RHOBTB3: variants seen among roughly 807,000 people sequenced by gnomAD.
RHOBTB3 encodes the protein rho-related BTB domain-containing protein 3.
RHOBTB3 carries 47 observed loss-of-function variants against 67.2 expected under a neutral mutation model. The ratio of observed to expected loss-of-function variants is 0.70; its 90% confidence interval spans 0.55 to 0.89. The LOEUF is 0.89. Ranked by LOEUF, RHOBTB3 falls within the 40% of genes least tolerant of loss-of-function variation. The probability of loss-of-function intolerance (pLI) is 0.00; values close to 1 mark genes in which losing one functional copy is unlikely to be tolerated. For synonymous variants in RHOBTB3, 273 were observed against 274.2 expected, an observed-to-expected ratio of 1.00 and a Z score of 0.04; for missense variants, 631 against 750.0, an observed-to-expected ratio of 0.84 and a Z score of 1.85.
At chr5:95,720,024 G>A (rs1435787396) in intron 1 of RHOBTB3, among the ~76,000 whole-genome samples, 2 of 152,188 alleles carry the variant, frequency 1.3e-5, no homozygotes, top group Non-Finnish European at 2.9e-5. Flanking sequence ...GACAGTGTTT[G>A]CTACCTATTA....
chr5:95,762,963 TGACATGAGCTACG>T (rs1745435405), intron 6 of RHOBTB3, among the ~76,000 whole-genome samples: 1 of 152,168 alleles, frequency 6.6e-6, no homozygotes, highest in African/African-American at 2.4e-5. Context: ...TTTGCTCCGA[TGACATGAGCTACG>T]TGGACGAGTA....
At chr5:95,727,169 C>T (rs150743932), upstream of RHOBTB3, among the ~76,000 whole-genome samples, 25 of 152,266 alleles carry the variant, frequency 1.6e-4, no homozygotes, top group African/African-American at 5.5e-4. Context: ...AGCAATAAGA[C>T]TGCTCTGATT....
chr5:95,780,984 G>A (rs1214385867), intron 9 of RHOBTB3, among the ~76,000 whole-genome samples: 2 of 152,168 alleles, frequency 1.3e-5, no homozygotes, highest in African/African-American at 2.4e-5. Flanking sequence ...TTCTTGAGAT[G>A]TTTAGAATAC....
rs374509846 is a variant in RHOBTB3, at chr5:95,785,553, C to G, written c.1623+1590C>G. On this transcript the variant is annotated intron_variant, in intron 10 of 11. Transcript: ENST00000379982. ...AGCTTGCAGTGAGCCGAGATCGTGC[C>G]ACTGCACTCCAGCCTGGGTGACAGA... Among the ~76,000 whole-genome samples, 14 of 150,788 alleles carry G rather than the reference C, an allele frequency of 9.3e-5. No individual in the cohort carries two copies. In the East Asian group the frequency reaches 2.1e-3, roughly 23 times the overall value.
At chr5:95,792,803 AAAAAG>A (rs974371037) in intron 11 of RHOBTB3, among the ~76,000 whole-genome samples, 1 of 152,054 alleles carries the variant, frequency 6.6e-6, no homozygotes, top group African/African-American at 2.4e-5. Flanking sequence ...AAAAAAAAAA[AAAAAG>A]AAAAGGAAAA....
chr5:95,755,114 T>C (rs1044169972), intron 5 of RHOBTB3, among the ~76,000 whole-genome samples: 22 of 152,230 alleles, frequency 1.4e-4, no homozygotes, highest in Non-Finnish European at 5.9e-5. Context: ...GGGTTTTTCA[T>C]TTGCTCTATA....
chr5:95,750,206 T>TAATCTTAATC (rs1351081846), intron 4 of RHOBTB3, among the ~76,000 whole-genome samples: 1 of 152,046 alleles, frequency 6.6e-6, no homozygotes, highest in Non-Finnish European at 1.5e-5. Context: ...AGGGTCAGAG[T>TAATCTTAATC]TGAAGAGCTG....
At chr5:95,790,766 A>G (rs1746359105) in intron 11 of RHOBTB3, among the ~76,000 whole-genome samples, 1 of 152,232 alleles carries the variant, frequency 6.6e-6, no homozygotes, top group Admixed American at 6.5e-5. Flanking sequence ...TGGATAAGGG[A>G]GAATTTAATT....
At chr5:95,734,179 C>A (rs1755390386) in intron 2 of RHOBTB3, among the ~76,000 whole-genome samples, 1 of 152,292 alleles carries the variant, frequency 6.6e-6, no homozygotes, top group Non-Finnish European at 1.5e-5. Context: ...TTTCACAGGT[C>A]ATTCAAGATT....
intron 8 of RHOBTB3, chr5:95,770,628 A>G (rs1745680631): frequency 2.0e-6 from 1 of 490,210 alleles, no homozygotes; most frequent in Non-Finnish European, 4.1e-6. Context: ...TAATTACAGC[A>G]GAAGTCACAG....
chr5:95,718,976 T>A (rs1311586630), intron 1 of RHOBTB3, among the ~76,000 whole-genome samples: 1 of 152,072 alleles, frequency 6.6e-6, no homozygotes, highest in Non-Finnish European at 1.5e-5. Flanking sequence ...GTGGAGCTGT[T>A]GTAGGCAGTG....
intron 8 of RHOBTB3, among the ~76,000 whole-genome samples, chr5:95,775,168 G>A (rs1263498991): frequency 1.3e-5 from 2 of 151,930 alleles, no homozygotes; most frequent in African/African-American, 2.4e-5. Context: ...ATTCTCTCAT[G>A]TATCCTATTT....
intron 5 of RHOBTB3, among the ~76,000 whole-genome samples, chr5:95,754,344 T>C (rs1745182943): frequency 6.6e-6 from 1 of 152,148 alleles, no homozygotes; most frequent in Non-Finnish European, 1.5e-5. Flanking sequence ...GATCCTGGGC[T>C]CTGGGGCACA....
chr5:95,768,704 A>G (rs1745618610), intron 8 of RHOBTB3, among the ~76,000 whole-genome samples: 2 of 152,232 alleles, frequency 1.3e-5, no homozygotes, highest in Admixed American at 6.5e-5. Flanking sequence ...TGAGAATTTT[A>G]TCACCAGAGC....
chr5:95,727,857 C>T (rs1161705670), upstream of RHOBTB3, among the ~76,000 whole-genome samples: 1 of 152,194 alleles, frequency 6.6e-6, no homozygotes, highest in Admixed American at 6.5e-5. Flanking sequence ...TGGCTCAACT[C>T]ACTGAATATC....
intron 4 of RHOBTB3, 116 bp from the exon 5 acceptor site, chr5:95,752,123 A>G (rs1299351533): frequency 1.6e-6 from 1 of 626,490 alleles, no homozygotes; most frequent in African/African-American, 1.9e-5. Context: ...GCTAATGCAT[A>G]CGTATAAATG....
rs1746484368 is a variant in RHOBTB3 at position 95,793,592 on chromosome 5, G to T, written c.*418G>T. On this transcript the variant is annotated 3_prime_UTR_variant, in exon 12 of 12. Transcript: ENST00000379982. Reference sequence around the variant, plus strand: ...GACCCAGCATAACCATTTGTATAATGAGAAATCTAGGGGAAAACCAATCAG... The same window carrying T: ...GACCCAGCATAACCATTTGTATAATTAGAAATCTAGGGGAAAACCAATCAG... The T allele has an allele frequency of 5.9e-6, 1 of 168,602 alleles. No homozygotes were observed. The highest frequency in any genetic ancestry group is 1.3e-5 in the Non-Finnish European group (1 of 77,140). The allele number at this position is 168,602 out of a possible 1,614,324, so 10.4% of individuals were successfully genotyped here. A position where few individuals can be genotyped will look rare whatever the true frequency, so the allele number is the denominator to read the frequency against.
intron 6 of RHOBTB3, among the ~76,000 whole-genome samples, chr5:95,759,972 A>G (rs1745351546): frequency 6.6e-6 from 1 of 151,908 alleles, no homozygotes; most frequent in South Asian, 2.1e-4. Context: ...GAACCAGATT[A>G]CAAAGAATAT....
Position 95,731,700 on chromosome 5 carries a change from C to T in RHOBTB3, c.2+16C>T, listed in dbSNP as rs776114832. Reference sequence around the variant, plus strand: ...TTGAGATCATGTACGTACGCGCCGCCGTCCTGCCATTGTCTCTCTCCAGCG... The same window carrying T: ...TTGAGATCATGTACGTACGCGCCGCTGTCCTGCCATTGTCTCTCTCCAGCG... On this transcript the variant is annotated intron_variant, in intron 1 of 11. Coordinates refer to ENST00000379982, the MANE Select transcript of RHOBTB3 (RefSeq NM_014899.4). 4 of 1,613,182 alleles carry T rather than the reference C, an allele frequency of 2.5e-6. No homozygotes were observed. The highest frequency in any genetic ancestry group is 1.7e-5 in the Admixed American group (1 of 59,940).
Sources: allele counts gnomAD v4.1 joint callset (sites outside exome capture counted in the v4.1 genomes callset), GRCh38; gene constraint gnomAD v4.1.1; transcripts MANE v1.5; gene names NCBI Gene and HGNC (gene_info 2026-07-23, HGNC 2026-07-21).